The following EDAR variants were observed in gnomAD, a reference collection of about 807,000 sequenced individuals.
The protein encoded by EDAR is tumor necrosis factor receptor superfamily member EDAR.
A neutral mutation model predicts 51.3 loss-of-function variants in EDAR; 38 were observed. The ratio of observed to expected loss-of-function variants is 0.74; its 90% CI spans 0.57 to 0.97. The LOEUF is 0.97. Ranked by LOEUF, EDAR falls within the 50% of genes least tolerant of loss-of-function variation. EDAR has a pLI of 0.00. For synonymous variants in EDAR, 227 were observed against 242.1 expected, an observed-to-expected ratio of 0.94 and a Z score of 0.58; for missense variants, 528 against 595.0, an observed-to-expected ratio of 0.89 and a Z score of 1.17.
chr2:108,913,967 A>AAAAAAAAT (rs35735096), intron 5 of EDAR, among the ~76,000 whole-genome samples: 1 of 148,740 alleles, frequency 6.7e-6, no homozygotes, highest in South Asian at 2.1e-4. Context: ...AAAAAAAAAA[A>AAAAAAAAT]TCTAGAAAAG....
intron 5 of EDAR, among the ~76,000 whole-genome samples, chr2:108,923,132 A>T (rs1697181390): frequency 6.6e-6 from 1 of 152,164 alleles, no homozygotes; most frequent in African/African-American, 2.4e-5. Context: ...GTGACTTGTC[A>T]GGTAGCTGGT....
chr2:108,930,385 G>A (rs1697344351), intron 2 of EDAR, 143 bp from the exon 3 acceptor site: 1 of 844,150 alleles, frequency 1.2e-6, no homozygotes, highest in Admixed American at 2.0e-5. Flanking sequence ...GTGCCCGCTT[G>A]TGAGTGCTCA....
chr2:108,941,055 A>G (rs961455308), intron 1 of EDAR, among the ~76,000 whole-genome samples: 1 of 152,066 alleles, frequency 6.6e-6, no homozygotes, highest in African/African-American at 2.4e-5. Context: ...CATCACTATA[A>G]ATTTAAACCG....
intron 5 of EDAR, among the ~76,000 whole-genome samples, chr2:108,921,378 C>A (rs574730802): frequency 1.3e-5 from 2 of 152,290 alleles, no homozygotes; most frequent in South Asian, 2.1e-4. Flanking sequence ...CGGTGGTTTG[C>A]GTAATCCACC....
At chr2:108,917,033 T>C (rs1697041238) in intron 5 of EDAR, among the ~76,000 whole-genome samples, 1 of 152,096 alleles carries the variant, frequency 6.6e-6, no homozygotes, top group Non-Finnish European at 1.5e-5. Context: ...AGCTCGGCAA[T>C]AAGGAATGGA....
At chr2:108,897,424 G>T (rs1450241201) in intron 11 of EDAR, among the ~76,000 whole-genome samples, 195 bp from the exon 12 acceptor site, 1 of 152,054 alleles carries the variant, frequency 6.6e-6, no homozygotes, top group African/African-American at 2.4e-5. Flanking sequence ...CCACAAGAGA[G>T]GGCTGTGCAT....
At chr2:108,968,584 T>A (rs1295085071) in intron 1 of EDAR, among the ~76,000 whole-genome samples, 1 of 152,184 alleles carries the variant, frequency 6.6e-6, no homozygotes, top group African/African-American at 2.4e-5. Context: ...GACCAGTCTG[T>A]CTGTGGCGCC....
chr2:108,977,652 CCCT>C (rs2104461918), intron 1 of EDAR, among the ~76,000 whole-genome samples: 1 of 152,178 alleles, frequency 6.6e-6, no homozygotes, highest in East Asian at 1.9e-4. Context: ...TGGACGTCCT[CCCT>C]CCTGGGACCC....
At chr2:108,986,079 G>T (rs1202874482) in intron 1 of EDAR, among the ~76,000 whole-genome samples, 2 of 152,150 alleles carry the variant, frequency 1.3e-5, no homozygotes, top group Admixed American at 1.3e-4. Context: ...TAAGGGCAAT[G>T]ATGAAAAATT....
At chr2:108,961,836 A>T (rs1342289330) in intron 1 of EDAR, among the ~76,000 whole-genome samples, 1 of 152,178 alleles carries the variant, frequency 6.6e-6, no homozygotes, top group Non-Finnish European at 1.5e-5. Flanking sequence ...CCCTTGCTTC[A>T]CACTAATGGC....
intron 1 of EDAR, among the ~76,000 whole-genome samples, chr2:108,978,646 G>A (rs1208429031): frequency 5.3e-5 from 8 of 152,082 alleles, no homozygotes; most frequent in African/African-American, 1.7e-4. Flanking sequence ...ATATTAGAGA[G>A]ACCTAGTTAG....
chr2:108,969,807 T>C (rs763321448), intron 1 of EDAR, among the ~76,000 whole-genome samples: 11 of 152,108 alleles, frequency 7.2e-5, no homozygotes, highest in Admixed American at 4.6e-4. Context: ...AAACCCAAAA[T>C]ATTAATAACA....
intron 1 of EDAR, among the ~76,000 whole-genome samples, chr2:108,980,329 A>T (rs933484478): frequency 2.0e-5 from 3 of 152,036 alleles, no homozygotes; most frequent in Non-Finnish European, 4.4e-5. Context: ...GGAGAGCAAA[A>T]GCCCCCTTGG....
chr2:108,962,536 G>T (rs1402642931), intron 1 of EDAR, among the ~76,000 whole-genome samples: 1 of 151,844 alleles, frequency 6.6e-6, no homozygotes, highest in South Asian at 2.1e-4. Context: ...TTAGCCGGGC[G>T]TGGTGGCGGG....
At position 108,952,993 on chromosome 2, in the gene EDAR, C is replaced by T. The variant is rs138978007; in HGVS notation, c.-18-21961G>A. The stretch of plus-strand genomic sequence containing the variant: ...GACTTTCTGAGGTCTTTTTAAAAAA[C>T]GTTTAATTTTTGTGTGTATGTAGTA... On this transcript the variant is annotated intron_variant, in intron 1 of 11. Coordinates refer to ENST00000258443, the MANE Select transcript of EDAR (RefSeq NM_022336.4). Among the ~76,000 whole-genome samples the T allele has an allele frequency of 8.5e-3, 1,296 of 152,220 alleles. 9 individuals carry two copies. The highest frequency in any genetic ancestry group is 0.029 in the South Asian group (139 of 4,814).
In EDAR at chr2:108,897,097, T is replaced by G; in HGVS notation, c.1157A>C (p.Asp386Ala). 6.2e-7 allele frequency: 1 copy of G among 1,614,046 alleles called. No homozygotes were observed. The highest frequency in any genetic ancestry group is 8.5e-7 in the Non-Finnish European group (1 of 1,180,018). ...GCCGTCTGTCATGCCCCCAATCTCATCCCTCTTCAGGCCGAAGCTCTCGGC... is the reference window on the plus strand; with the variant it reads ...GCCGTCTGTCATGCCCCCAATCTCAGCCCTCTTCAGGCCGAAGCTCTCGGC... ...HLAESFGLKRDEIGGMTDGMQ... is the reference protein window; with the variant it reads ...HLAESFGLKRAEIGGMTDGMQ... The change falls in exon 12 of 12, where the codon GAT (aspartate) becomes GCT (alanine). Residue 386 changes from aspartate to alanine, a missense_variant. By Grantham distance (126) the Asp-to-Ala change is moderately radical. Coordinates refer to ENST00000258443, the MANE Select transcript of EDAR (RefSeq NM_022336.4).
intron 1 of EDAR, among the ~76,000 whole-genome samples, chr2:108,944,671 A>G (rs767427730): frequency 1.6e-4 from 25 of 152,114 alleles, no homozygotes; most frequent in Non-Finnish European, 3.5e-4. Context: ...CAGCAAAACA[A>G]GGAGAGGCCC....
At chr2:108,919,886 G>T (rs1031360120) in intron 5 of EDAR, among the ~76,000 whole-genome samples, 1 of 152,202 alleles carries the variant, frequency 6.6e-6, no homozygotes, top group Non-Finnish European at 1.5e-5. Flanking sequence ...GGATCTCTCC[G>T]CCTGGAGCTT....
At chr2:108,941,977 G>A (rs747548374) in intron 1 of EDAR, among the ~76,000 whole-genome samples, 3 of 152,226 alleles carry the variant, frequency 2.0e-5, no homozygotes, top group Non-Finnish European at 2.9e-5. Context: ...CCTGCTGGCT[G>A]GGGAAGGTGG....
Sources: allele counts gnomAD v4.1 joint callset (sites outside exome capture counted in the v4.1 genomes callset), GRCh38; gene constraint gnomAD v4.1.1; transcripts MANE v1.5; gene names NCBI Gene and HGNC (gene_info 2026-07-23, HGNC 2026-07-21).